FAM91A1: variants seen among roughly 807,000 people sequenced by gnomAD.
The protein encoded by FAM91A1 is protein FAM91A1.
FAM91A1 carries 41 observed loss-of-function variants against 113.5 expected under a neutral mutation model. That is an observed-to-expected ratio of 0.36 (90% CI 0.28 to 0.47). The LOEUF is 0.47. FAM91A1 is among the 20% of genes least tolerant of loss of function. FAM91A1 has a pLI of 1.00. For missense variants in FAM91A1, 696 were observed against 1,001.2 expected, an observed-to-expected ratio of 0.70 and a Z score of 4.11; for synonymous variants, 307 against 347.9, an observed-to-expected ratio of 0.88 and a Z score of 1.31.
Position 123,784,565 on chromosome 8 carries a change from A to G in FAM91A1, c.799A>G (p.Asn267Asp), listed in dbSNP as rs201367949. 1.8e-5 allele frequency: 29 copies of G among 1,600,714 alleles called. No individual in the cohort carries two copies. In the East Asian group the frequency reaches 4.5e-4, roughly 25 times the overall value. The change falls in exon 9 of 24, where the codon AAT becomes GAT. Residue 267 changes from asparagine (N) to aspartate (D), a missense_variant. By Grantham distance (23) the Asn-to-Asp change is conservative. Transcript: ENST00000334705. ...ATTTGTTTCAATAGATGAGCACACAAATGTTGCAGAGGTAAGTTTGACAAC... is the reference window on the plus strand; with the variant it reads ...ATTTGTTTCAATAGATGAGCACACAGATGTTGCAGAGGTAAGTTTGACAAC... Reference protein sequence around the residue: ...KIFVSIDEHTNVAELANVLEI... With the variant: ...KIFVSIDEHTDVAELANVLEI...
intron 22 of FAM91A1, among the ~76,000 whole-genome samples, chr8:123,809,897 A>G (rs1043454213): frequency 6.6e-6 from 1 of 152,198 alleles, no homozygotes; most frequent in Admixed American, 6.5e-5. Flanking sequence ...TTAATCTGTT[A>G]TCAGGTTGTC....
chr8:123,812,499 C>CT lies in FAM91A1; in HGVS notation c.2332-18dup, dbSNP rs764326417. 6.4e-7 allele frequency: 1 copy of CT among 1,554,246 alleles called. No individual in the cohort carries two copies. The highest frequency in any genetic ancestry group is 8.6e-7 in the Non-Finnish European group (1 of 1,156,216). On this transcript the variant is annotated intron_variant, in intron 23 of 23. Transcript: ENST00000334705. ...TGGTAAAGTGTTGAATATCATTTCT[C>CT]TTGTTTCTTGATCTTTTAGGAAGGT...
chr8:123,801,268 A>G (rs556302111), intron 18 of FAM91A1, among the ~76,000 whole-genome samples: 1 of 152,168 alleles, frequency 6.6e-6, no homozygotes, highest in African/African-American at 2.4e-5. Flanking sequence ...GCATGTGCTT[A>G]TTGGGCTGTG....
intron 17 of FAM91A1, 45 bp downstream of exon 17, chr8:123,799,699 A>G (rs761721146): frequency 5.0e-6 from 8 of 1,609,244 alleles, no homozygotes; most frequent in Non-Finnish European, 6.8e-6. Context: ...GTGTGTGAGC[A>G]GTATGCTAGA....
At chr8:123,808,184 T>C in intron 20 of FAM91A1, 88 bp from the exon 21 acceptor site, 1 of 1,014,764 alleles carries the variant, frequency 9.9e-7, no homozygotes, top group Non-Finnish European at 1.5e-6. Flanking sequence ...TACTATTGTC[T>C]GAAGTCTTTT....
chr8:123,779,856 G>C (rs1457226388), intron 6 of FAM91A1, 129 bp from the exon 7 acceptor site: 5 of 697,890 alleles, frequency 7.2e-6, no homozygotes, highest in Non-Finnish European at 1.1e-5. Context: ...TTGAATTATA[G>C]AGTGATAAAT....
rs990891323 is a variant in FAM91A1, at chr8:123,813,478, C to G, written c.*774C>G. On this transcript the variant is annotated 3_prime_UTR_variant, in exon 24 of 24. Coordinates refer to ENST00000334705, the MANE Select transcript of FAM91A1 (RefSeq NM_144963.4). ...TTATTTTCCACTCTTGTAGCTATAG[C>G]TGCTGCACACTTTCACCCTGATTTA... The G allele has an allele frequency of 1.3e-5, 2 of 152,564 alleles. No homozygotes were observed. The highest frequency in any genetic ancestry group is 4.8e-5 in the African/African-American group (2 of 41,430). The allele number at this position is 152,564 out of a possible 1,614,324, so 9.5% of individuals were successfully genotyped here.
intron 14 of FAM91A1, chr8:123,788,331 C>T: frequency 7.5e-6 from 6 of 800,154 alleles, no homozygotes; most frequent in Non-Finnish European, 9.1e-6. Context: ...ATATTTTATT[C>T]TGGCCTCTTT....
chr8:123,805,448 C>A, intron 19 of FAM91A1, 109 bp downstream of exon 19: 1 of 926,404 alleles, frequency 1.1e-6, no homozygotes, highest in Non-Finnish European at 1.6e-6. Flanking sequence ...TTTTTAAGTT[C>A]TAGGTTCTTT....
chr8:123,799,267 G>A (rs1054478603), intron 16 of FAM91A1, among the ~76,000 whole-genome samples: 1 of 152,194 alleles, frequency 6.6e-6, no homozygotes, highest in African/African-American at 2.4e-5. Context: ...AGGTGATATG[G>A]CTGGAAGGGC....
chr8:123,797,163 A>G (rs1405488522), intron 15 of FAM91A1, among the ~76,000 whole-genome samples: 2 of 152,148 alleles, frequency 1.3e-5, no homozygotes, highest in Non-Finnish European at 2.9e-5. Flanking sequence ...GTGCCAGACA[A>G]TGAGGAAGAC....
Position 123,785,721 on chromosome 8 carries a change from T to A in FAM91A1, c.942T>A (p.Val314=). 6.2e-7 allele frequency: 1 copy of A among 1,607,104 alleles called. No individual in the cohort carries two copies. Among genetic ancestry groups the A allele is most frequent in the Non-Finnish European group, 8.5e-7 (1 of 1,177,282 alleles). ...AACTTCATTCATCATGGAAGAATGT[T>A]CCATCCGTAAACAGATTAAAGTAAC... is the stretch of plus-strand genomic sequence containing the variant. The part of the protein sequence containing the change: ...LDQLHSSWKN[V]PSVNRLKSTL... The change falls in exon 11 of 24, where the codon GTT becomes GTA. Residue 314 remains valine, a synonymous_variant. Transcript: ENST00000334705.
intron 8 of FAM91A1, 88 bp downstream of exon 8, chr8:123,780,630 T>C: frequency 9.4e-7 from 1 of 1,059,850 alleles, no homozygotes; most frequent in Non-Finnish European, 1.4e-6. Context: ...ATCTTAGATG[T>C]TAGGATATTT....
intron 15 of FAM91A1, among the ~76,000 whole-genome samples, chr8:123,797,745 G>A (rs544357699): frequency 1.1e-3 from 162 of 152,302 alleles, no homozygotes; most frequent in Non-Finnish European, 1.8e-3. Flanking sequence ...GACTGTGCAC[G>A]GCGTCAGCCT....
At chr8:123,777,134 A>G in intron 3 of FAM91A1, 131 bp from the exon 4 acceptor site, 3 of 655,440 alleles carry the variant, frequency 4.6e-6, no homozygotes, top group Admixed American at 2.9e-5. Context: ...TGTATGCTCT[A>G]GGTAGCCAAA....
rs771940783 is a variant in FAM91A1, at chr8:123,810,263, T to C, written c.2262-19T>C. ...CTTTATGTTTGTTTTAAACTGTTTCTCGCCTTTTTTTTTTTCAGCCTTCAA... is the reference window on the plus strand; with the variant it reads ...CTTTATGTTTGTTTTAAACTGTTTCCCGCCTTTTTTTTTTTCAGCCTTCAA... On this transcript the variant is annotated intron_variant, in intron 22 of 23. Transcript: ENST00000334705. 1 of 1,591,644 alleles carries C rather than the reference T, an allele frequency of 6.3e-7. No individual in the cohort carries two copies. Among genetic ancestry groups the C allele is most frequent in the Non-Finnish European group, 8.5e-7 (1 of 1,173,974 alleles).
intron 1 of FAM91A1, among the ~76,000 whole-genome samples, chr8:123,769,862 A>C (rs1021257776): frequency 2.0e-5 from 3 of 152,198 alleles, no homozygotes; most frequent in African/African-American, 7.2e-5. Flanking sequence ...TCGAGAGTGA[A>C]ATTCAGTTTT....
At chr8:123,770,852 C>T (rs566466371) in intron 1 of FAM91A1, among the ~76,000 whole-genome samples, 1 of 152,158 alleles carries the variant, frequency 6.6e-6, no homozygotes, top group African/African-American at 2.4e-5. Context: ...TAAGGTTGGC[C>T]ATTTGTAGAT....
chr8:123,802,482 A>G (rs1275815157), intron 18 of FAM91A1, among the ~76,000 whole-genome samples: 1 of 152,090 alleles, frequency 6.6e-6, no homozygotes, highest in Non-Finnish European at 1.5e-5. Flanking sequence ...AGGAAGTGAT[A>G]TCATGGGAGG....
Sources: gnomAD v4.1 joint callset for allele counts (sites outside exome capture counted in the v4.1 genomes callset) on GRCh38, gnomAD v4.1.1 for gene constraint, MANE v1.5 for transcripts, NCBI Gene and HGNC (gene_info 2026-07-23, HGNC 2026-07-21) for gene names.